The following CEP63 variants were observed in gnomAD, a reference collection of about 807,000 sequenced individuals.
The protein encoded by CEP63 is centrosomal protein of 63 kDa.
A neutral mutation model predicts 89.1 loss-of-function variants in CEP63; 84 were observed. The observed-to-expected ratio is 0.94, with a 90% CI of 0.79 to 1.13. CEP63 has a LOEUF of 1.13. Ranked by LOEUF, CEP63 falls within the 50% of genes most tolerant of loss-of-function variation. The pLI is 0.00. For missense variants in CEP63, 838 were observed against 813.3 expected (o/e 1.03, Z -0.37); for synonymous variants, 267 against 272.5 (o/e 0.98, Z 0.20).
chr3:134,577,431 C>CTTTTTTTTTTTTTT (rs10662705), downstream of CEP63, among the ~76,000 whole-genome samples: 2 of 86,328 alleles, frequency 2.3e-5, no homozygotes, highest in African/African-American at 4.7e-5. Flanking sequence ...TTCTAATCCA[C>CTTTTTTTTTTTTTT]TTTTTTTTTT....
At chr3:134,679,529 A>G in the CEP63 span, among the ~76,000 whole-genome samples, 3 of 152,156 alleles carry the variant, frequency 2.0e-5, no homozygotes, top group African/African-American at 7.2e-5. Context: ...TTACTTCACC[A>G]AGTTAATTAG....
the CEP63 span, among the ~76,000 whole-genome samples, chr3:134,776,237 T>G: frequency 6.6e-6 from 1 of 152,236 alleles, no homozygotes; most frequent in Non-Finnish European, 1.5e-5. Context: ...CAGCTGGTTC[T>G]GGGGAAGTTC....
At chr3:134,553,729 G>C (rs1428896343) in intron 12 of CEP63, among the ~76,000 whole-genome samples, 1 of 152,172 alleles carries the variant, frequency 6.6e-6, no homozygotes, top group Non-Finnish European at 1.5e-5. Flanking sequence ...GGACAGCTTA[G>C]CAATATCCAT....
the CEP63 span, among the ~76,000 whole-genome samples, chr3:134,675,262 G>A: frequency 3.9e-5 from 6 of 152,110 alleles, no homozygotes; most frequent in Non-Finnish European, 5.9e-5. Context: ...TTTAAACAAG[G>A]GTGTCAAGAC....
chr3:134,773,522 C>G, the CEP63 span, among the ~76,000 whole-genome samples: 1 of 152,226 alleles, frequency 6.6e-6, no homozygotes, highest in East Asian at 1.9e-4. Context: ...TATGTTACCT[C>G]TGACCCAGCT....
At chr3:134,494,588 G>A (rs1038259511) in intron 1 of CEP63, among the ~76,000 whole-genome samples, 10 of 152,284 alleles carry the variant, frequency 6.6e-5, no homozygotes, top group East Asian at 1.9e-4. Context: ...GAAATGCTGC[G>A]TTGAGCTCTG....
intron 3 of CEP63, among the ~76,000 whole-genome samples, chr3:134,508,621 G>A (rs553680903): frequency 6.6e-6 from 1 of 152,306 alleles, no homozygotes. Context: ...TTTAGTCACT[G>A]TAATGCTAAA....
the CEP63 span, among the ~76,000 whole-genome samples, chr3:134,611,791 C>T: frequency 6.6e-6 from 1 of 152,204 alleles, no homozygotes; most frequent in Non-Finnish European, 1.5e-5. Flanking sequence ...GCTGCAGCCT[C>T]AGTTGCTCTA....
downstream of CEP63, among the ~76,000 whole-genome samples, chr3:134,590,901 G>T (rs1354057628): frequency 2.0e-5 from 3 of 152,058 alleles, no homozygotes; most frequent in Non-Finnish European, 4.4e-5. Flanking sequence ...CTCCTGTCTG[G>T]ACTGTGTTCA....
chr3:134,500,650 A>G (rs747302316), intron 2 of CEP63, among the ~76,000 whole-genome samples: 2 of 152,254 alleles, frequency 1.3e-5, no homozygotes, highest in South Asian at 4.1e-4. Context: ...ATGAGGTGGT[A>G]TCTCATTTTG....
the CEP63 span, among the ~76,000 whole-genome samples, chr3:134,769,576 C>T: frequency 3.3e-5 from 5 of 152,182 alleles, no homozygotes; most frequent in African/African-American, 7.2e-5. Flanking sequence ...TGGCCAGGTG[C>T]CTTGTACATA....
At chr3:134,744,486 A>G in the CEP63 span, among the ~76,000 whole-genome samples, 1 of 152,132 alleles carries the variant, frequency 6.6e-6, no homozygotes, top group African/African-American at 2.4e-5. Flanking sequence ...GGCCCAAGCA[A>G]CTCTGTAGGC....
chr3:134,624,877 A>G, the CEP63 span, among the ~76,000 whole-genome samples: 1 of 152,320 alleles, frequency 6.6e-6, no homozygotes, highest in African/African-American at 2.4e-5. Context: ...GGCTCTGGGC[A>G]GGGGCTGCTG....
the CEP63 span, among the ~76,000 whole-genome samples, chr3:134,704,807 GT>G: frequency 1.1e-3 from 170 of 152,356 alleles, no homozygotes; most frequent in Non-Finnish European, 1.8e-3. Flanking sequence ...TCTGCAAATA[GT>G]GTGTGAATCC....
chr3:134,678,306 C>A, the CEP63 span, among the ~76,000 whole-genome samples: 1 of 152,160 alleles, frequency 6.6e-6, no homozygotes, highest in Non-Finnish European at 1.5e-5. Context: ...TTTCTGGACA[C>A]CCCACTCCAA....
chr3:134,710,099 C>T, the CEP63 span, among the ~76,000 whole-genome samples: 12 of 152,196 alleles, frequency 7.9e-5, no homozygotes, highest in South Asian at 4.1e-4. Context: ...CGCTTCAGTT[C>T]CCAGCTGGCC....
intron 1 of CEP63, among the ~76,000 whole-genome samples, chr3:134,490,869 A>G (rs376696340): frequency 1.3e-5 from 2 of 152,142 alleles, no homozygotes; most frequent in East Asian, 1.9e-4. Flanking sequence ...TTTTTCACCT[A>G]GTGATATATG....
At chr3:134,554,148 A>T (rs1955559805) in intron 12 of CEP63, among the ~76,000 whole-genome samples, 1 of 152,026 alleles carries the variant, frequency 6.6e-6, no homozygotes, top group African/African-American at 2.4e-5. Flanking sequence ...TTAGTTACCT[A>T]TGTATACATG....
chr3:134,605,465 G>A, the CEP63 span, among the ~76,000 whole-genome samples: 1 of 152,132 alleles, frequency 6.6e-6, no homozygotes, highest in African/African-American at 2.4e-5. Flanking sequence ...TGGGCTCTAG[G>A]ACAAAGGCCT....
Sources: gnomAD v4.1 joint callset for allele counts (sites outside exome capture counted in the v4.1 genomes callset) on GRCh38, gnomAD v4.1.1 for gene constraint, MANE v1.5 for transcripts, NCBI Gene and HGNC (gene_info 2026-07-23, HGNC 2026-07-21) for gene names.